The following SYNE2 variants were observed in gnomAD, a reference collection of about 807,000 sequenced individuals.
The protein encoded by SYNE2 is spectrin repeat containing nuclear envelope protein 2, also known as nesprin-2.
SYNE2 carries 431 observed loss-of-function variants against 856.3 expected under a neutral mutation model. The observed-to-expected ratio is 0.50, with a 90% CI of 0.47 to 0.55. The LOEUF is 0.55. Among genes scored for constraint, SYNE2 ranks in the 20% least tolerant of loss-of-function variants. The probability of loss-of-function intolerance (pLI) is 0.00; values close to 1 mark genes in which losing one functional copy is unlikely to be tolerated. For synonymous variants in SYNE2, 2,923 were observed against 2,872.3 expected, an observed-to-expected ratio of 1.02 and a Z score of -0.56; for missense variants, 8,129 against 8,023.2, an observed-to-expected ratio of 1.01 and a Z score of -0.50.
Position 63,961,713 on chromosome 14 carries a change from A to G in SYNE2, c.888+88A>G. Reference sequence around the variant, plus strand: ...TAAAATCAAGATATAATTTGCATACAGAACTTAAATGTACAGTTTAATGAG... The same window carrying G: ...TAAAATCAAGATATAATTTGCATACGGAACTTAAATGTACAGTTTAATGAG... On this transcript the variant is annotated intron_variant, in intron 9 of 115. Transcript: ENST00000555002. 8 of 951,664 alleles carry G rather than the reference A, an allele frequency of 8.4e-6. No individual in the cohort carries two copies. The South Asian group carries it at 1.1e-4, about 13-fold the overall frequency. 59.0% of individuals were successfully genotyped at this position (951,664 alleles called of 1,614,324 possible).
Position 64,022,803 on chromosome 14 carries a change from G to T in SYNE2, c.5577G>T (p.Lys1859Asn). 1 of 1,612,226 alleles carries T rather than the reference G, an allele frequency of 6.2e-7. No homozygotes were observed. Among genetic ancestry groups the T allele is most frequent in the East Asian group, 2.2e-5 (1 of 44,828 alleles). The change falls in exon 38 of 116, where the codon AAG (lysine) becomes AAT (asparagine). Residue 1859 changes from lysine (K) to asparagine (N), a missense_variant. Transcript: ENST00000555002. ...TCAGCAACATTAAAGTGAACCTTAA[G>T]GAGTGTTTTGAATCATCAGAAACAA... ...DWFSNIKVNL[K>N]ECFESSETKK...
intron 17 of SYNE2, among the ~76,000 whole-genome samples, chr14:63,983,182 A>T (rs2096599613): frequency 6.6e-6 from 1 of 152,232 alleles, no homozygotes; most frequent in Non-Finnish European, 1.5e-5. Context: ...GCAAATAATA[A>T]TTCATTGTAT....
intron 87 of SYNE2, among the ~76,000 whole-genome samples, chr14:64,161,199 C>T (rs1280945917): frequency 3.3e-5 from 5 of 151,952 alleles, no homozygotes; most frequent in African/African-American, 9.7e-5. Flanking sequence ...AAAAATTAGC[C>T]AGGCGTGGTG....
chr14:64,220,042 A>G (rs887832311), intron 110 of SYNE2, among the ~76,000 whole-genome samples: 1 of 152,168 alleles, frequency 6.6e-6, no homozygotes, highest in African/African-American at 2.4e-5. Context: ...TTATTTTACT[A>G]TCTGTGTTAA....
At chr14:64,159,953 G>A (rs2098315277) in intron 87 of SYNE2, among the ~76,000 whole-genome samples, 1 of 152,140 alleles carries the variant, frequency 6.6e-6, no homozygotes, top group African/African-American at 2.4e-5. Context: ...GTTAATTGCA[G>A]GGCTTTTATT....
intron 59 of SYNE2, 152 bp from the exon 60 acceptor site, chr14:64,090,714 A>G: frequency 1.4e-6 from 1 of 705,224 alleles, no homozygotes; most frequent in Non-Finnish European, 2.3e-6. Flanking sequence ...CCGGATCATG[A>G]GTGATATAAT....
At chr14:64,004,379 T>C (rs1021672665) in intron 30 of SYNE2, among the ~76,000 whole-genome samples, 1 of 151,378 alleles carries the variant, frequency 6.6e-6, no homozygotes, top group African/African-American at 2.4e-5. Flanking sequence ...TGCCCAGGCT[T>C]GGGTGCAGTG....
intron 21 of SYNE2, among the ~76,000 whole-genome samples, chr14:63,992,533 G>A (rs901290518): frequency 6.6e-5 from 10 of 152,064 alleles, no homozygotes; most frequent in Admixed American, 2.0e-4. Context: ...CTCCCATGTC[G>A]GTCTCCCAAA....
At chr14:64,202,047 A>G in intron 99 of SYNE2, 1 of 620,596 alleles carries the variant, frequency 1.6e-6, no homozygotes, top group South Asian at 1.9e-5. Context: ...GTGCACGCCA[A>G]GTTGTACTCA....
At position 63,806,781 on chromosome 14, in the gene SYNE2, G is replaced by A. The variant is rs961044054; in HGVS notation, c.-305+44795G>A. Among the ~76,000 whole-genome samples the A allele has an allele frequency of 1.3e-4, 20 of 150,228 alleles. No homozygotes were observed. In the East Asian group the frequency reaches 3.3e-3, roughly 25 times the overall value. On this transcript the variant is annotated intron_variant, in intron 1 of 23. Transcript: ENST00000674003. Reference sequence around the variant, plus strand: ...TCGTAGGGTAAATGTTAATGTCTCCGTTGTCATTTCTGTGTTTATTTGGAT... The same window carrying A: ...TCGTAGGGTAAATGTTAATGTCTCCATTGTCATTTCTGTGTTTATTTGGAT...
intron 77 of SYNE2, among the ~76,000 whole-genome samples, chr14:64,132,815 CAAAG>C (rs2098036128): frequency 1.3e-5 from 2 of 151,984 alleles, no homozygotes; most frequent in African/African-American, 4.8e-5. Flanking sequence ...TGTCTAAACT[CAAAG>C]AAAAAAATAA....
At chr14:63,777,494 CA>C (rs971288139) in intron 1 of SYNE2, among the ~76,000 whole-genome samples, 24 of 152,070 alleles carry the variant, frequency 1.6e-4, no homozygotes, top group Non-Finnish European at 1.5e-4. Flanking sequence ...GCCTAGGTGA[CA>C]GAGCAAGACC....
chr14:64,001,884 A>C, intron 28 of SYNE2, 50 bp from the exon 29 acceptor site: 2 of 1,602,400 alleles, frequency 1.2e-6, no homozygotes, highest in Non-Finnish European at 1.7e-6. Flanking sequence ...GTTTCATAGG[A>C]TATCTTTCTG....
At chr14:64,014,447 G>A (rs2096871976) in intron 32 of SYNE2, among the ~76,000 whole-genome samples, 1 of 151,990 alleles carries the variant, frequency 6.6e-6, no homozygotes, top group African/African-American at 2.4e-5. Flanking sequence ...GTTTGTTTTT[G>A]ATGGAGTCTT....
At chr14:63,884,722 A>G (rs2094942224) in intron 1 of SYNE2, among the ~76,000 whole-genome samples, 1 of 152,108 alleles carries the variant, frequency 6.6e-6, no homozygotes, top group African/African-American at 2.4e-5. Flanking sequence ...GGCCTATGTG[A>G]GAGTGTCAAA....
At chr14:64,083,416 CTG>C (rs1456013850) in intron 57 of SYNE2, among the ~76,000 whole-genome samples, 1 of 143,990 alleles carries the variant, frequency 6.9e-6, no homozygotes, top group East Asian at 2.0e-4. Context: ...AAAAAAAAAA[CTG>C]TACAAAAGTG....
chr14:63,920,205 G>A (rs1208379936), intron 2 of SYNE2, among the ~76,000 whole-genome samples: 3 of 151,814 alleles, frequency 2.0e-5, no homozygotes, highest in Non-Finnish European at 4.4e-5. Context: ...ACACAAGCGC[G>A]TAAACTATCA....
At chr14:63,835,382 G>A (rs1226228968) in intron 1 of SYNE2, among the ~76,000 whole-genome samples, 1 of 151,936 alleles carries the variant, frequency 6.6e-6, no homozygotes, top group African/African-American at 2.4e-5. Context: ...TAAGGTGCCC[G>A]CCTCCACACC....
At chr14:63,970,473 C>T (rs1260786964) in intron 11 of SYNE2, among the ~76,000 whole-genome samples, 1 of 152,158 alleles carries the variant, frequency 6.6e-6, no homozygotes, top group African/African-American at 2.4e-5. Context: ...GTTGGGATTA[C>T]AGGCATGAAC....
Sources: gnomAD v4.1 joint callset for allele counts (sites outside exome capture counted in the v4.1 genomes callset) on GRCh38, gnomAD v4.1.1 for gene constraint, MANE v1.5 for transcripts, NCBI Gene and HGNC (gene_info 2026-07-23, HGNC 2026-07-21) for gene names.